Variants in LARP4 observed in about 807,000 individuals in gnomAD.
The protein encoded by LARP4 is La ribonucleoprotein 4.
LARP4 carries 29 observed loss-of-function variants against 92.9 expected under a neutral mutation model. The ratio of observed to expected loss-of-function variants is 0.31; its 90% confidence interval spans 0.23 to 0.43. LARP4 has a LOEUF of 0.43. Among genes scored for constraint, LARP4 ranks in the 20% least tolerant of loss-of-function variants. The pLI, the probability that LARP4 is intolerant of heterozygous loss-of-function variation, is 1.00. For missense variants in LARP4, 732 were observed against 860.0 expected (o/e 0.85, Z 1.86); for synonymous variants, 279 against 284.1 (o/e 0.98, Z 0.18).
At chr12:50,462,749 A>T (rs1019128855) in intron 12 of LARP4, 119 bp downstream of exon 12, 3 of 667,478 alleles carry the variant, frequency 4.5e-6, no homozygotes, top group Non-Finnish European at 7.5e-6. Context: ...CAGCAAAGGT[A>T]AATAGAGCCT....
intron 12 of LARP4, among the ~76,000 whole-genome samples, chr12:50,463,966 C>G (rs1377447054): frequency 6.6e-5 from 10 of 152,142 alleles, no homozygotes; most frequent in Non-Finnish European, 8.8e-5. Flanking sequence ...CATACATCCT[C>G]TGAAATTGAG....
rs887296035 is a variant in LARP4, at chr12:50,419,294, G to T, written c.19-8468G>T. ...AGTTGGAGGATTGCTTCATCTTGGA[G>T]GTTGAGGCTGCAGTGAGCCTTGATG... is the stretch of plus-strand genomic sequence containing the variant. On this transcript the variant is annotated intron_variant, in intron 1 of 15. Coordinates refer to ENST00000398473, the MANE Select transcript of LARP4 (RefSeq NM_052879.5). Among the ~76,000 whole-genome samples the T allele has an allele frequency of 2.0e-5, 3 of 152,180 alleles. No homozygotes were observed. In the South Asian group the frequency reaches 6.2e-4, roughly 31 times the overall value.
At chr12:50,438,695 T>C (rs1216784112) in intron 6 of LARP4, among the ~76,000 whole-genome samples, 1 of 152,234 alleles carries the variant, frequency 6.6e-6, no homozygotes, top group African/African-American at 2.4e-5. Flanking sequence ...TTTTATTGCC[T>C]GTTTTACTGA....
chr12:50,467,231 T>A lies in LARP4; in HGVS notation c.1545+111T>A, dbSNP rs148221496. 115 of 787,214 alleles carry A rather than the reference T, an allele frequency of 1.5e-4. 1 individual carries two copies. The Admixed American group carries it at 3.3e-3, about 22-fold the overall frequency. 48.8% of individuals were successfully genotyped at this position (787,214 alleles called of 1,614,324 possible). ...TTAGTGTACATTTCTATCATAGTTT[T>A]TATTTATGGAGTTTTCAGCATACTT... On this transcript the variant is annotated intron_variant, in intron 13 of 15. Transcript: ENST00000398473.
chr12:50,435,922 C>T (rs190589626), intron 5 of LARP4, among the ~76,000 whole-genome samples: 8 of 152,034 alleles, frequency 5.3e-5, no homozygotes, highest in Non-Finnish European at 7.4e-5. Context: ...GGACCCCAGG[C>T]GCACACCACC....
At position 50,427,823 on chromosome 12, in the gene LARP4, C is replaced by T; in HGVS notation, c.80C>T (p.Pro27Leu). The change falls in exon 2 of 16, where the codon CCT becomes CTT. Residue 27 changes from proline (P) to leucine (L), a missense_variant. By Grantham distance (98) the Pro-to-Leu change is moderately conservative. This residue lies in a region of LARP4 where 236 missense variants were observed against 307.6 expected (regional missense o/e 0.77). Transcript: ENST00000398473. ...GCCAAAGTATGGCAAGAAATTGCTC[C>T]TGGAAATACTGATGCCACCCCAGTA... The part of the protein sequence containing the change: ...PNAKVWQEIA[P>L]GNTDATPVTH... 1.9e-6 allele frequency: 3 copies of T among 1,601,288 alleles called. No homozygotes were observed. Among genetic ancestry groups the T allele is most frequent in the South Asian group, 1.1e-5 (1 of 89,394 alleles).
rs1257707240 is a variant in LARP4 at position 50,476,201 on chromosome 12, A to G, written c.*337A>G. On this transcript the variant is annotated 3_prime_UTR_variant, in exon 16 of 16. Transcript: ENST00000398473. Reference sequence around the variant, plus strand: ...GAGGGTTCAGATTTAGCTTGGAAGAAAAAAAAGAAACATACATCCTTCAGT... The same window carrying G: ...GAGGGTTCAGATTTAGCTTGGAAGAGAAAAAAGAAACATACATCCTTCAGT... 6.5e-6 allele frequency: 1 copy of G among 153,528 alleles called. No homozygotes were observed. The highest frequency in any genetic ancestry group is 1.9e-4 in the East Asian group (1 of 5,288). The allele number at this position is 153,528 out of a possible 1,614,324, so 9.5% of individuals were successfully genotyped here. A position where few individuals can be genotyped will look rare whatever the true frequency, so the allele number is the denominator to read the frequency against.
chr12:50,430,233 A>G (rs1483952913), intron 3 of LARP4, among the ~76,000 whole-genome samples: 1 of 152,098 alleles, frequency 6.6e-6, no homozygotes, highest in Non-Finnish European at 1.5e-5. Flanking sequence ...GTATCATGGC[A>G]CAAGTTTGTG....
chr12:50,466,888 T>G, intron 12 of LARP4, 71 bp from the exon 13 acceptor site: 1 of 1,433,916 alleles, frequency 7.0e-7, no homozygotes, highest in Non-Finnish European at 9.6e-7. Flanking sequence ...TCTTGCACCT[T>G]TCAGCTTCTG....
chr12:50,445,045 A>G (rs902975806), intron 8 of LARP4, among the ~76,000 whole-genome samples: 5 of 130,208 alleles, frequency 3.8e-5, no homozygotes, highest in African/African-American at 1.2e-4. Flanking sequence ...CTACAGGTGC[A>G]TGCCACCATG....
Position 50,453,521 on chromosome 12 carries a change from G to C in LARP4, c.866G>C (p.Ser289Thr). 1 of 1,613,150 alleles carries C rather than the reference G, an allele frequency of 6.2e-7. No homozygotes were observed. Among genetic ancestry groups the C allele is most frequent in the Non-Finnish European group, 8.5e-7 (1 of 1,179,358 alleles). ...AKNGYRLMDS[S>T]IYSHPIQTQA... The stretch of plus-strand genomic sequence containing the variant: ...AATGGTTATCGATTAATGGATTCTA[G>C]TATCTATAGTCACCCCATTCAAACT... The change falls in exon 9 of 16, where the codon AGT becomes ACT. Residue 289 changes from serine to threonine, a missense_variant. By Grantham distance (58) the Ser-to-Thr change is moderately conservative (BLOSUM62 1). Around this residue, in one of 7 missense-constraint regions of LARP4, gnomAD observed 264 missense variants for 269.5 expected, o/e 0.98. Coordinates refer to ENST00000398473, the MANE Select transcript of LARP4 (RefSeq NM_052879.5).
intron 13 of LARP4, among the ~76,000 whole-genome samples, chr12:50,471,563 G>A (rs1348016599): frequency 5.9e-5 from 9 of 152,222 alleles, no homozygotes; most frequent in South Asian, 2.1e-4. Flanking sequence ...TCGCTCTGTC[G>A]CGCAGGCTGG....
At chr12:50,471,488 T>A (rs1039376360) in intron 13 of LARP4, among the ~76,000 whole-genome samples, 1 of 152,172 alleles carries the variant, frequency 6.6e-6, no homozygotes, top group African/African-American at 2.4e-5. Context: ...TTTTCTAGGA[T>A]TTATACATCA....
intron 13 of LARP4, among the ~76,000 whole-genome samples, chr12:50,467,696 A>G (rs1036318543): frequency 3.9e-5 from 6 of 152,182 alleles, no homozygotes; most frequent in Non-Finnish European, 8.8e-5. Context: ...TTATGTGCCT[A>G]TAATTCACTA....
chr12:50,419,195 T>G (rs1947334648), intron 1 of LARP4, among the ~76,000 whole-genome samples: 1 of 151,906 alleles, frequency 6.6e-6, no homozygotes, highest in Non-Finnish European at 1.5e-5. Flanking sequence ...ATCCCATCTC[T>G]GTAAAAAATA....
chr12:50,431,546 T>C (rs1163646984), intron 4 of LARP4, among the ~76,000 whole-genome samples: 1 of 152,112 alleles, frequency 6.6e-6, no homozygotes, highest in African/African-American at 2.4e-5. Flanking sequence ...AGAAGTCTTA[T>C]TTACAGATAA....
At chr12:50,466,543 A>G (rs955423824) in intron 12 of LARP4, among the ~76,000 whole-genome samples, 1 of 152,112 alleles carries the variant, frequency 6.6e-6, no homozygotes, top group Admixed American at 6.6e-5. Flanking sequence ...GAGTCCAGGA[A>G]GTCAAGGTTG....
At chr12:50,465,545 G>A (rs1004277425) in intron 12 of LARP4, among the ~76,000 whole-genome samples, 13 of 152,090 alleles carry the variant, frequency 8.5e-5, no homozygotes, top group Non-Finnish European at 1.9e-4. Flanking sequence ...TAAAATTTTG[G>A]ATTTGTAAGC....
intron 12 of LARP4, among the ~76,000 whole-genome samples, chr12:50,464,234 G>A (rs995299908): frequency 6.6e-6 from 1 of 152,242 alleles, no homozygotes; most frequent in Admixed American, 6.5e-5. Context: ...TGTACAGGAA[G>A]CATGATGCAG....
Sources: allele counts gnomAD v4.1 joint callset (sites outside exome capture counted in the v4.1 genomes callset), GRCh38; gene constraint gnomAD v4.1.1; regional missense constraint gnomAD v4.1.1; transcripts MANE v1.5; gene names NCBI Gene and HGNC (gene_info 2026-07-23, HGNC 2026-07-21).